The following DYM variants were observed in gnomAD, a reference collection of about 807,000 sequenced individuals.
The protein encoded by DYM is dyggve-Melchior-Clausen syndrome protein.
DYM carries 78 observed loss-of-function variants against 93.1 expected under a neutral mutation model. The observed-to-expected ratio is 0.84, with a 90% CI of 0.70 to 1.01. The LOEUF is 1.01. Among genes scored for constraint, DYM ranks in the 50% least tolerant of loss-of-function variants. The pLI is 0.00. For synonymous variants in DYM, 321 were observed against 319.7 expected (o/e 1.00, Z -0.04); for missense variants, 789 against 845.0 (o/e 0.93, Z 0.82).
chr18:49,080,514 C>T (rs2077822847), intron 17 of DYM, among the ~76,000 whole-genome samples: 2 of 140,572 alleles, frequency 1.4e-5, no homozygotes, highest in African/African-American at 2.7e-5. Flanking sequence ...GGCAGAGGGG[C>T]TCCTCACTTC....
At chr18:49,172,333 G>A (rs574145856) in intron 14 of DYM, among the ~76,000 whole-genome samples, 1 of 152,286 alleles carries the variant, frequency 6.6e-6, no homozygotes, top group South Asian at 2.1e-4. Context: ...GTGAACATAT[G>A]TTTTCATTTC....
At chr18:49,092,699 T>C (rs1387240503) in intron 17 of DYM, among the ~76,000 whole-genome samples, 1 of 152,168 alleles carries the variant, frequency 6.6e-6, no homozygotes, top group African/African-American at 2.4e-5. Context: ...TCGGTGATGA[T>C]GATGATGATG....
At chr18:49,112,769 C>A (rs1439775436) in intron 16 of DYM, among the ~76,000 whole-genome samples, 1 of 152,180 alleles carries the variant, frequency 6.6e-6, no homozygotes, top group African/African-American at 2.4e-5. Context: ...CTGTAACCAT[C>A]TGCCCCTCAT....
intron 15 of DYM, among the ~76,000 whole-genome samples, chr18:49,145,899 C>CTT (rs201785844): frequency 3.3e-5 from 5 of 150,414 alleles, no homozygotes; most frequent in Middle Eastern, 3.4e-3. Flanking sequence ...TAGTTTTTAC[C>CTT]TTTTTTTTTG....
At chr18:49,147,918 C>G (rs891280294) in intron 15 of DYM, among the ~76,000 whole-genome samples, 4 of 152,112 alleles carry the variant, frequency 2.6e-5, no homozygotes, top group Non-Finnish European at 5.9e-5. Context: ...GCACTATTCA[C>G]GATAGCAAAG....
At position 49,179,745 on chromosome 18, in the gene DYM, G is replaced by T. The variant is rs77247624; in HGVS notation, c.1626-15958C>A. ...AAATTGCCCAAGGTCTGTTTAACAC[G>T]AAGTATCTACTGCTTCCTCTGTATG... is the stretch of plus-strand genomic sequence containing the variant. On this transcript the variant is annotated intron_variant, in intron 14 of 17. Coordinates refer to ENST00000675505, the MANE Select transcript of DYM (RefSeq NM_001353214.3). Among the ~76,000 whole-genome samples, 412 of 152,212 alleles carry T rather than the reference G, an allele frequency of 2.7e-3. 2 individuals carry two copies. Among genetic ancestry groups the T allele is most frequent in the African/African-American group, 9.7e-3 (403 of 41,540 alleles).
In DYM at chr18:49,151,160, T is replaced by G. The variant is rs148493785; in HGVS notation, c.1728+12525A>C. Among the ~76,000 whole-genome samples, 87 of 152,352 alleles carry G rather than the reference T, an allele frequency of 5.7e-4. No individual in the cohort carries two copies. The East Asian group carries it at 0.011, about 19-fold the overall frequency. On this transcript the variant is annotated intron_variant, in intron 15 of 17. Transcript: ENST00000675505. The stretch of plus-strand genomic sequence containing the variant: ...AATAAATTAAGAAACAATTTAGGAC[T>G]TAACTTTATCTAGTGTTCAGTGAAT...
At chr18:49,143,691 T>C (rs2084779128) in intron 15 of DYM, among the ~76,000 whole-genome samples, 1 of 152,192 alleles carries the variant, frequency 6.6e-6, no homozygotes, top group African/African-American at 2.4e-5. Context: ...TTGTAACCAC[T>C]GTTGAGTATA....
At chr18:49,256,934 AAAGGAACC>A in intron 13 of DYM, 68 bp downstream of exon 13, 3 of 1,275,226 alleles carry the variant, frequency 2.4e-6, no homozygotes, top group Non-Finnish European at 3.4e-6. Flanking sequence ...TAACATTTAA[AAAGGAACC>A]ACCATAGTAT....
intron 11 of DYM, among the ~76,000 whole-genome samples, chr18:49,269,813 G>C (rs1042383116): frequency 6.6e-6 from 1 of 152,116 alleles, no homozygotes; most frequent in African/African-American, 2.4e-5. Flanking sequence ...ATTTAGTGTA[G>C]CCTAAGTGTC....
intron 2 of DYM, among the ~76,000 whole-genome samples, chr18:49,424,723 A>G (rs1268500627): frequency 6.6e-6 from 1 of 152,206 alleles, no homozygotes; most frequent in African/African-American, 2.4e-5. Flanking sequence ...ATGTATAAAA[A>G]TCACAAGCAT....
rs757641481 is a variant in DYM at position 49,097,407 on chromosome 18, G to A, written c.2020C>T (p.Leu674=). The A allele has an allele frequency of 6.8e-6, 11 of 1,613,748 alleles. No homozygotes were observed. The Admixed American group carries it at 1.5e-4, about 22-fold the overall frequency. Residue 674 remains leucine, a synonymous_variant, in exon 17 of 18, where the codon CTG becomes TTG. Transcript: ENST00000675505. ...CATTTCTTTAGCCTTCTTACCTTCA[G>A]TCTGTCTTTGGGCAGCGCAACGACG... is the stretch of plus-strand genomic sequence containing the variant. ...QGVVALPKDR[L]KKFPELKFKY... is the part of the protein sequence containing the mutation.
At chr18:49,264,817 A>G (rs2094544115) in intron 11 of DYM, among the ~76,000 whole-genome samples, 1 of 152,198 alleles carries the variant, frequency 6.6e-6, no homozygotes, top group Admixed American at 6.5e-5. Context: ...TTGCCTTAGA[A>G]GAGTAGTACA....
chr18:49,313,248 G>A (rs979790100), intron 8 of DYM, among the ~76,000 whole-genome samples: 5 of 151,632 alleles, frequency 3.3e-5, no homozygotes, highest in East Asian at 1.9e-4. Flanking sequence ...GGCGGATCAC[G>A]AGATCAGGAG....
chr18:49,429,153 T>C (rs2148447411), intron 2 of DYM, among the ~76,000 whole-genome samples: 1 of 152,334 alleles, frequency 6.6e-6, no homozygotes, highest in South Asian at 2.1e-4. Flanking sequence ...TGAGTCCTCC[T>C]CACATCACAT....
chr18:49,279,520 TAAAC>T, intron 10 of DYM, among the ~76,000 whole-genome samples: 1 of 151,996 alleles, frequency 6.6e-6, no homozygotes, highest in South Asian at 2.1e-4. Context: ...CCAGAACAAA[TAAAC>T]AAACACCACC....
chr18:49,135,010 A>G (rs1487826309), intron 15 of DYM, among the ~76,000 whole-genome samples: 1 of 152,116 alleles, frequency 6.6e-6, no homozygotes, highest in Non-Finnish European at 1.5e-5. Flanking sequence ...CGGGAGGCTG[A>G]GGCAGGAGAA....
At chr18:49,388,100 G>A (rs2068811784) in intron 3 of DYM, among the ~76,000 whole-genome samples, 2 of 152,076 alleles carry the variant, frequency 1.3e-5, no homozygotes, top group Admixed American at 1.3e-4. Flanking sequence ...GCACTTTGTG[G>A]GGGCCAAGGT....
intron 10 of DYM, among the ~76,000 whole-genome samples, chr18:49,280,938 C>A (rs1366931923): frequency 2.0e-5 from 3 of 152,096 alleles, no homozygotes; most frequent in Non-Finnish European, 4.4e-5. Context: ...CAACAAAAGC[C>A]AAAATTGACA....
Sources: allele counts gnomAD v4.1 joint callset (sites outside exome capture counted in the v4.1 genomes callset), GRCh38; gene constraint gnomAD v4.1.1; transcripts MANE v1.5; gene names NCBI Gene and HGNC (gene_info 2026-07-23, HGNC 2026-07-21).